Variants in DEFB127 observed in about 807,000 individuals in gnomAD.
The protein encoded by DEFB127 is beta-defensin 127.
A neutral mutation model predicts 2.4 loss-of-function variants in DEFB127; 2 were observed. The observed-to-expected ratio is 0.82, with a 90% CI of 0.34 to 2.58. The LOEUF is 2.58. DEFB127 is among the 30% of genes most tolerant of loss of function. The probability of loss-of-function intolerance (pLI) is 0.11; values close to 1 mark genes in which losing one functional copy is unlikely to be tolerated. For synonymous variants in DEFB127, 37 were observed against 39.8 expected (o/e 0.93, Z 0.26); for missense variants, 110 against 113.2 (o/e 0.97, Z 0.13).
chr20:159,060 C>T lies in DEFB127; in HGVS notation c.*36C>T. The T allele has an allele frequency of 6.4e-7, 1 of 1,565,248 alleles. No homozygotes were observed. Among genetic ancestry groups the T allele is most frequent in the Non-Finnish European group, 8.6e-7 (1 of 1,158,536 alleles). On this transcript the variant is annotated 3_prime_UTR_variant, in exon 2 of 2. Coordinates refer to ENST00000382388, the MANE Select transcript of DEFB127 (RefSeq NM_139074.4). ...ATTTCGTTTTCACTTGCTTCTCAACCTAGTCTAATAAACTAAGGTGATGAG... is the reference window on the plus strand; with the variant it reads ...ATTTCGTTTTCACTTGCTTCTCAACTTAGTCTAATAAACTAAGGTGATGAG...
chr20:158,630 A>C, intron 1 of DEFB127, 144 bp from the exon 2 acceptor site: 1 of 803,004 alleles, frequency 1.2e-6, no homozygotes. Context: ...ACCTTGTCGG[A>C]AAATCCTCTT....
chr20:158,181 CT>C (rs2054710700), intron 1 of DEFB127, among the ~76,000 whole-genome samples: 1 of 152,214 alleles, frequency 6.6e-6, no homozygotes, highest in Admixed American at 6.5e-5. Flanking sequence ...TTCCTTTCCT[CT>C]TTCAAAACCA....
Position 158,880 on chromosome 20 carries a change from C to G in DEFB127, c.156C>G (p.Tyr52Ter), listed in dbSNP as rs148651726. 58 of 1,613,788 alleles carry G rather than the reference C, an allele frequency of 3.6e-5. No homozygotes were observed. The East Asian group carries it at 1.2e-3, about 35-fold the overall frequency. The stretch of plus-strand genomic sequence containing the variant: ...AGGCACTATGTGAAAATGGGAGATA[C>G]TGTTGCCTCAATATCAAGGAACTGG... ...VPEALCENGR[Y>*]CCLNIKELEA... is the part of the protein sequence containing the mutation. The change falls in exon 2 of 2, where the codon TAC becomes TAG. Residue 52 changes from tyrosine to a stop codon, truncating the protein, a stop_gained. Transcript: ENST00000382388. LOFTEE classifies it low-confidence loss of function (END_TRUNC).
chr20:158,738 C>T (rs2054712983), intron 1 of DEFB127, 36 bp from the exon 2 acceptor site: 2 of 1,577,488 alleles, frequency 1.3e-6, no homozygotes, highest in Non-Finnish European at 8.6e-7. Flanking sequence ...CAGTCTCAAA[C>T]ACTGATATTG....
In DEFB127 at chr20:158,767, T is replaced by C. The variant is rs1364279168; in HGVS notation, c.50-7T>C. ...GATATTGTTCTATTGCTCCTTTCTG[T>C]GTATAGTAACCGAACAACTTAAGAA... On this transcript the variant is annotated splice_polypyrimidine_tract_variant and splice_region_variant and intron_variant, in intron 1 of 1. Transcript: ENST00000382388. The C allele has an allele frequency of 6.2e-7, 1 of 1,606,826 alleles. No individual in the cohort carries two copies. Among genetic ancestry groups the C allele is most frequent in the Non-Finnish European group, 8.5e-7 (1 of 1,176,782 alleles).
intron 1 of DEFB127, among the ~76,000 whole-genome samples, chr20:158,406 A>G (rs1212840700): frequency 1.3e-5 from 2 of 152,184 alleles, no homozygotes; most frequent in East Asian, 1.9e-4. Flanking sequence ...GGTGCAGTAG[A>G]AGGTAGTGCT....
chr20:157,790 T>C lies in DEFB127; in HGVS notation c.49+197T>C, dbSNP rs532335536. ...CCTTAAAGAGGAGTACTCACTGAGC[T>C]AAAAAGAGGTCATAATTTCTTCTGG... On this transcript the variant is annotated intron_variant, in intron 1 of 1. Transcript: ENST00000382388. 1.1e-3 allele frequency among the ~76,000 whole-genome samples: 173 copies of C among 152,284 alleles called. 2 individuals carry two copies. The highest frequency in any genetic ancestry group is 2.9e-3 in the South Asian group (14 of 4,822).
At position 158,892 on chromosome 20, in the gene DEFB127, T is replaced by C. The variant is rs747396311; in HGVS notation, c.168T>C (p.Asn56=). ...LCENGRYCCL[N]IKELEACKKI... ...AAAATGGGAGATACTGTTGCCTCAA[T>C]ATCAAGGAACTGGAAGCATGTAAAA... is the stretch of plus-strand genomic sequence containing the variant. Residue 56 remains asparagine, a synonymous_variant, in exon 2 of 2, where the codon AAT becomes AAC. Coordinates refer to ENST00000382388, the MANE Select transcript of DEFB127 (RefSeq NM_139074.4). The C allele has an allele frequency of 6.2e-7, 1 of 1,613,782 alleles. No homozygotes were observed. Among genetic ancestry groups the C allele is most frequent in the Non-Finnish European group, 8.5e-7 (1 of 1,179,816 alleles).
At chr20:157,638 C>G in intron 1 of DEFB127, 45 bp downstream of exon 1, 1 of 1,607,258 alleles carries the variant, frequency 6.2e-7, no homozygotes, top group South Asian at 1.1e-5. Flanking sequence ...TGGGATGGAG[C>G]ATTTTCAGGA....
At chr20:157,675 T>A in intron 1 of DEFB127, 82 bp downstream of exon 1, 1 of 1,486,946 alleles carries the variant, frequency 6.7e-7, no homozygotes, top group South Asian at 1.1e-5. Flanking sequence ...TAATCCACAC[T>A]AAAGGGAAAT....
intron 1 of DEFB127, among the ~76,000 whole-genome samples, chr20:158,414 G>C (rs1014275569): frequency 4.6e-5 from 7 of 152,258 alleles, no homozygotes; most frequent in African/African-American, 1.7e-4. Flanking sequence ...AGAAGGTAGT[G>C]CTCTGGGAGC....
At chr20:158,026 T>C (rs1307720181) in intron 1 of DEFB127, among the ~76,000 whole-genome samples, 5 of 152,090 alleles carry the variant, frequency 3.3e-5, no homozygotes, top group Non-Finnish European at 1.5e-5. Flanking sequence ...CAATATCTAC[T>C]AGTTTGTCAA....
At position 158,798 on chromosome 20, in the gene DEFB127, G is replaced by A; in HGVS notation, c.74G>A (p.Trp25Ter). 1 of 1,612,826 alleles carries A rather than the reference G, an allele frequency of 6.2e-7. No homozygotes were observed. The highest frequency in any genetic ancestry group is 8.5e-7 in the Non-Finnish European group (1 of 1,179,366). The change falls in exon 2 of 2, where the codon TGG (tryptophan) becomes TAG (stop). Residue 25 changes from tryptophan to a stop codon, truncating the protein, a stop_gained. Coordinates refer to ENST00000382388, the MANE Select transcript of DEFB127 (RefSeq NM_139074.4). LOFTEE classifies it low-confidence loss of function (END_TRUNC). The part of the protein sequence containing the change: ...PTVTEQLKKC[W>*]NNYVQGHCRK... ...GTAACCGAACAACTTAAGAAGTGCT[G>A]GAATAACTATGTACAAGGACATTGC...
chr20:158,935 C>G lies in DEFB127; in HGVS notation c.211C>G (p.Arg71Gly). The change falls in exon 2 of 2, where the codon CGT (arginine) becomes GGT (glycine). Residue 71 changes from arginine to glycine, a missense_variant. By Grantham distance (125) the Arg-to-Gly change is moderately radical (BLOSUM62 -2). Transcript: ENST00000382388. ...EACKKITKPP[R>G]PKPATLALTL... ...ATGTAAAAAAATTACAAAGCCACCT[C>G]GTCCAAAGCCAGCAACACTTGCACT... 1 of 1,613,416 alleles carries G rather than the reference C, an allele frequency of 6.2e-7. No individual in the cohort carries two copies. The highest frequency in any genetic ancestry group is 8.5e-7 in the Non-Finnish European group (1 of 1,179,680).
In DEFB127 at chr20:159,135, G is replaced by C; in HGVS notation, c.*111G>C. On this transcript the variant is annotated 3_prime_UTR_variant, in exon 2 of 2. Transcript: ENST00000382388. Reference sequence around the variant, plus strand: ...TCTTGATCCTTAAAATGACCTTCGAGCATATTCTAATAAAGTGCATTGCCA... The same window carrying C: ...TCTTGATCCTTAAAATGACCTTCGACCATATTCTAATAAAGTGCATTGCCA... 1 of 1,267,402 alleles carries C rather than the reference G, an allele frequency of 7.9e-7. No individual in the cohort carries two copies. The highest frequency in any genetic ancestry group is 1.1e-6 in the Non-Finnish European group (1 of 933,226). 78.5% of individuals were successfully genotyped at this position (1,267,402 alleles called of 1,614,324 possible).
Position 157,516 on chromosome 20 carries a change from TGGCTGCA to T in DEFB127, c.-28_-22del, listed in dbSNP as rs762822883. On this transcript the variant is annotated 5_prime_UTR_variant, in exon 1 of 2. Coordinates refer to ENST00000382388, the MANE Select transcript of DEFB127 (RefSeq NM_139074.4). ...GTGCAGTTCACTGGACCAAAAGCTT[TGGCTGCA>T]CCTCTTCTGGAAAGCCTGGCCATGG... 5 of 1,602,372 alleles carry T rather than the reference TGGCTGCA, an allele frequency of 3.1e-6. No homozygotes were observed. Among genetic ancestry groups the T allele is most frequent in the Non-Finnish European group, 4.3e-6 (5 of 1,174,550 alleles).
chr20:157,674 C>T, intron 1 of DEFB127, 81 bp downstream of exon 1: 1 of 1,508,536 alleles, frequency 6.6e-7, no homozygotes, highest in Non-Finnish European at 9.2e-7. Context: ...ATAATCCACA[C>T]TAAAGGGAAA....
chr20:158,856 G>A lies in DEFB127; in HGVS notation c.132G>A (p.Glu44=). 6.2e-7 allele frequency: 1 copy of A among 1,613,774 alleles called. No individual in the cohort carries two copies. Among genetic ancestry groups the A allele is most frequent in the South Asian group, 1.1e-5 (1 of 91,060 alleles). The change falls in exon 2 of 2, where the codon GAG becomes GAA. Residue 44 remains glutamate (E), a synonymous_variant. Transcript: ENST00000382388. ...TCTGCAGAGTAAATGAAGTGCCTGAGGCACTATGTGAAAATGGGAGATACT... is the reference window on the plus strand; with the variant it reads ...TCTGCAGAGTAAATGAAGTGCCTGAAGCACTATGTGAAAATGGGAGATACT... ...RKICRVNEVP[E]ALCENGRYCC... is the part of the protein sequence containing the mutation.
Position 158,885 on chromosome 20 carries a change from G to A in DEFB127, c.161G>A (p.Cys54Tyr). 1 of 1,613,792 alleles carries A rather than the reference G, an allele frequency of 6.2e-7. No individual in the cohort carries two copies. The highest frequency in any genetic ancestry group is 8.5e-7 in the Non-Finnish European group (1 of 1,179,818). ...EALCENGRYC[C>Y]LNIKELEACK... ...CTATGTGAAAATGGGAGATACTGTT[G>A]CCTCAATATCAAGGAACTGGAAGCA... Residue 54 changes from cysteine to tyrosine, a missense_variant, in exon 2 of 2, where the codon TGC becomes TAC. Coordinates refer to ENST00000382388, the MANE Select transcript of DEFB127 (RefSeq NM_139074.4).
Sources: gnomAD v4.1 joint callset for allele counts (sites outside exome capture counted in the v4.1 genomes callset) on GRCh38, gnomAD v4.1.1 for gene constraint, MANE v1.5 for transcripts, NCBI Gene and HGNC (gene_info 2026-07-23, HGNC 2026-07-21) for gene names.